Variants in IGF1R observed in about 807,000 individuals in gnomAD.
IGF1R encodes insulin like growth factor 1 receptor, also known as insulin-like growth factor 1 receptor.
Under a neutral mutation model 144.6 loss-of-function variants are expected in IGF1R, and 44 were observed. That is an observed-to-expected ratio of 0.30 (90% CI 0.24 to 0.39). The LOEUF is 0.39. Ranked by LOEUF, IGF1R falls within the 10% of genes least tolerant of loss-of-function variation. IGF1R has a pLI of 1.00. For missense variants in IGF1R, 1,355 were observed against 1,833.7 expected (o/e 0.74, Z 4.77); for synonymous variants, 795 against 722.8 (o/e 1.10, Z -1.60).
At chr15:98,686,278 A>C (rs988811921) in intron 1 of IGF1R, among the ~76,000 whole-genome samples, 4 of 152,246 alleles carry the variant, frequency 2.6e-5, no homozygotes, top group Non-Finnish European at 5.9e-5. Context: ...ACATTTATAT[A>C]ATGTCCATTA....
intron 2 of IGF1R, among the ~76,000 whole-genome samples, chr15:98,846,193 G>C (rs1439298918): frequency 6.6e-6 from 1 of 152,090 alleles, no homozygotes; most frequent in East Asian, 1.9e-4. Context: ...AATTACACCA[G>C]TTGCATAAGC....
chr15:98,816,976 CTCTG>C (rs1456532302), intron 2 of IGF1R, among the ~76,000 whole-genome samples: 1 of 152,200 alleles, frequency 6.6e-6, no homozygotes, highest in Non-Finnish European at 1.5e-5. Flanking sequence ...AGCTGTGGTG[CTCTG>C]TCTGCTCCAG....
chr15:98,955,693 C>T (rs913968106), intron 20 of IGF1R, among the ~76,000 whole-genome samples: 2 of 152,248 alleles, frequency 1.3e-5, no homozygotes, highest in African/African-American at 4.8e-5. Context: ...AGGAGCCCTT[C>T]TCTTGGCAGG....
At chr15:98,718,691 G>A (rs2141277187) in intron 2 of IGF1R, among the ~76,000 whole-genome samples, 1 of 152,358 alleles carries the variant, frequency 6.6e-6, no homozygotes, top group Non-Finnish European at 1.5e-5. Context: ...ACGTGTTTTA[G>A]CAGCTGCTGA....
chr15:98,736,729 G>A (rs575309671), intron 2 of IGF1R, among the ~76,000 whole-genome samples: 5 of 150,166 alleles, frequency 3.3e-5, no homozygotes, highest in South Asian at 2.1e-4. Flanking sequence ...CTCATGCCTC[G>A]GCCTCCTGAT....
In IGF1R at chr15:98,751,448, G is replaced by T. The variant is rs538372328; in HGVS notation, c.640+43341G>T. Among the ~76,000 whole-genome samples, 6 of 152,244 alleles carry T rather than the reference G, an allele frequency of 3.9e-5. No homozygotes were observed. In the East Asian group the frequency reaches 1.2e-3, roughly 29 times the overall value. On this transcript the variant is annotated intron_variant, in intron 2 of 20. Coordinates refer to ENST00000650285, the MANE Select transcript of IGF1R (RefSeq NM_000875.5). ...CTGTCTTGAATGCCTGGCTTCAAGCGATCCTCTCCCCTCAACTCTCAAAAG... is the reference window on the plus strand; with the variant it reads ...CTGTCTTGAATGCCTGGCTTCAAGCTATCCTCTCCCCTCAACTCTCAAAAG...
intron 2 of IGF1R, among the ~76,000 whole-genome samples, chr15:98,870,240 C>G (rs2012712291): frequency 6.6e-6 from 1 of 152,194 alleles, no homozygotes; most frequent in Admixed American, 6.5e-5. Flanking sequence ...GAAGTTGTAC[C>G]TATTAAACAG....
chr15:98,922,297 A>G lies in IGF1R; in HGVS notation c.2351A>G (p.Asn784Ser). 6.2e-7 allele frequency: 1 copy of G among 1,614,218 alleles called. No individual in the cohort carries two copies. Among genetic ancestry groups the G allele is most frequent in the Non-Finnish European group, 8.5e-7 (1 of 1,180,048 alleles). The change falls in exon 11 of 21, where the codon AAC (asparagine) becomes AGC (serine). Residue 784 changes from asparagine to serine, a missense_variant. Transcript: ENST00000650285. ...EYPFFESRVD[N>S]KERTVISNLR... ...CCTTTCTTTGAGAGCAGAGTGGATA[A>G]CAAGGAGAGAACTGTCATTTCTAAC...
chr15:98,754,586 G>T (rs1355777329), intron 2 of IGF1R, among the ~76,000 whole-genome samples: 1 of 152,182 alleles, frequency 6.6e-6, no homozygotes, highest in Non-Finnish European at 1.5e-5. Flanking sequence ...CTGAACCTTT[G>T]CTGCGTTCCG....
intron 2 of IGF1R, among the ~76,000 whole-genome samples, chr15:98,853,086 T>C (rs1427971376): frequency 6.6e-6 from 1 of 152,150 alleles, no homozygotes; most frequent in African/African-American, 2.4e-5. Context: ...GACTGGGTGG[T>C]TTTCTCGTTA....
chr15:98,873,212 G>A (rs569358854), intron 2 of IGF1R, among the ~76,000 whole-genome samples: 49 of 152,238 alleles, frequency 3.2e-4, no homozygotes, highest in Middle Eastern at 3.4e-3. Context: ...CATGTTATAC[G>A]TAATAACCTG....
chr15:98,903,527 C>T (rs1194361516), intron 5 of IGF1R, among the ~76,000 whole-genome samples: 1 of 152,180 alleles, frequency 6.6e-6, no homozygotes, highest in African/African-American at 2.4e-5. Context: ...CTAGCAATTC[C>T]GGGATCCACC....
chr15:98,747,999 A>G (rs922610679), intron 2 of IGF1R, among the ~76,000 whole-genome samples: 1 of 152,196 alleles, frequency 6.6e-6, no homozygotes, highest in African/African-American at 2.4e-5. Context: ...TTTGGAAGAG[A>G]TAAATGAAGA....
Position 98,935,628 on chromosome 15 carries a change from T to A in IGF1R, c.3297+202T>A, listed in dbSNP as rs1394713260. On this transcript the variant is annotated intron_variant, in intron 17 of 20. Transcript: ENST00000650285. This position sits in a 1 kb window ranked among gnomAD's most constrained non-coding sequence, Gnocchi z 4.2. ...GACTCTGATCTTCGTGAGGGGAACT[T>A]CCTGTTCCTTGGATCCCCTCTGCTA... is the stretch of plus-strand genomic sequence containing the variant. Among the ~76,000 whole-genome samples the A allele has an allele frequency of 6.6e-6, 1 of 152,174 alleles. No individual in the cohort carries two copies. Among genetic ancestry groups the A allele is most frequent in the African/African-American group, 2.4e-5 (1 of 41,442 alleles).
chr15:98,934,643 G>A (rs2016074167), intron 15 of IGF1R, among the ~76,000 whole-genome samples, 181 bp from the exon 16 acceptor site: 1 of 152,098 alleles, frequency 6.6e-6, no homozygotes. Context: ...TGACTGTACA[G>A]TTTTCTTACT....
rs2055837431 is a variant in IGF1R, at chr15:98,780,572, AAAAGAGAGAGAG to A, written c.640+72467_640+72478del. On this transcript the variant is annotated intron_variant, in intron 2 of 20. Transcript: ENST00000650285. ...CTCAAAAAAAAAAAAAAAAAAAAAA[AAAAGAGAGAGAG>A]AGTAAATAAAATTGTAAGGTGAATA... Among the ~76,000 whole-genome samples, 13 of 78,464 alleles carry A rather than the reference AAAAGAGAGAGAG, an allele frequency of 1.7e-4. No homozygotes were observed. In the Admixed American group the frequency reaches 2.1e-3, roughly 13 times the overall value. The allele number at this position is 78,464 out of a possible 152,430, so 51.5% of individuals were successfully genotyped here. A position where few individuals can be genotyped will look rare whatever the true frequency, so the allele number is the denominator to read the frequency against.
chr15:98,900,027 C>G (rs1243214574), intron 5 of IGF1R, among the ~76,000 whole-genome samples: 3 of 152,302 alleles, frequency 2.0e-5, no homozygotes, highest in African/African-American at 7.2e-5. Flanking sequence ...CTACGCACAA[C>G]TGCTCCATCT....
chr15:98,842,485 C>G (rs1038140455), intron 2 of IGF1R, among the ~76,000 whole-genome samples: 2 of 152,190 alleles, frequency 1.3e-5, no homozygotes, highest in African/African-American at 4.8e-5. Flanking sequence ...TTAAGGTACT[C>G]ATTTTGCCTG....
chr15:98,882,966 C>G (rs923261201), intron 2 of IGF1R, among the ~76,000 whole-genome samples: 19 of 152,184 alleles, frequency 1.2e-4, no homozygotes, highest in Non-Finnish European at 2.6e-4. Context: ...CTGTGTGCTC[C>G]TGGGTGCACC....
Sources: gnomAD v4.1 joint callset for allele counts (sites outside exome capture counted in the v4.1 genomes callset) on GRCh38, gnomAD v4.1.1 for gene constraint, Gnocchi (gnomAD v3.1) non-coding constraint, MANE v1.5 for transcripts, NCBI Gene and HGNC (gene_info 2026-07-23, HGNC 2026-07-21) for gene names.